Variants in NPM1 observed in about 807,000 individuals in gnomAD.
NPM1 encodes nucleophosmin 1.
In NPM1, 1 loss-of-function variant was observed where a neutral mutation model predicts 44.1. That is an observed-to-expected ratio of 0.02 (90% CI 0.01 to 0.11). The LOEUF (loss-of-function observed/expected upper bound fraction) is 0.11. NPM1 is among the 10% of genes least tolerant of loss of function. The pLI is 1.00. For synonymous variants in NPM1, 126 were observed against 111.8 expected, an observed-to-expected ratio of 1.13 and a Z score of -0.80; for missense variants, 197 against 347.8, an observed-to-expected ratio of 0.57 and a Z score of 3.45.
chr5:171,407,837 C>G (rs1771651760), intron 10 of NPM1, 63 bp downstream of exon 10: 1 of 990,620 alleles, frequency 1.0e-6, no homozygotes. Flanking sequence ...TATGATTCTG[C>G]CTTTACCCTT....
intron 1 of NPM1, 72 bp from the exon 2 acceptor site, chr5:171,389,979 T>C: frequency 1.1e-6 from 1 of 897,540 alleles, no homozygotes; most frequent in African/African-American, 1.7e-5. Context: ...GACCTGACCT[T>C]TTTGGTTACC....
Position 171,397,982 on chromosome 5 carries a change from C to T in NPM1, c.525-2171C>T, listed in dbSNP as rs555521722. 7.5e-5 allele frequency among the ~76,000 whole-genome samples: 11 copies of T among 146,806 alleles called. No homozygotes were observed. The East Asian group carries it at 1.7e-3, about 22-fold the overall frequency. On this transcript the variant is annotated intron_variant, in intron 6 of 10. Transcript: ENST00000296930. ...AATTTTCTGTATTTTAAATAGAGAC[C>T]GGGTTTCGCCATGTTGGCCAGGCTG...
rs1481138770 is a variant in NPM1, at chr5:171,397,663, A to AT, written c.525-2485dup. On this transcript the variant is annotated intron_variant, in intron 6 of 10. Coordinates refer to ENST00000296930, the MANE Select transcript of NPM1 (RefSeq NM_002520.7). ...TTTTTTCTTTTTTCTTTTTGATATG[A>AT]TTTTTGTATTTTTAGTAGAGAAGGG... 2.0e-5 allele frequency among the ~76,000 whole-genome samples: 3 copies of AT among 151,254 alleles called. No homozygotes were observed. The East Asian group carries it at 5.8e-4, about 29-fold the overall frequency.
At chr5:171,406,270 C>G in intron 9 of NPM1, 1 of 843,262 alleles carries the variant, frequency 1.2e-6, no homozygotes, top group South Asian at 1.4e-5. Context: ...TTTAGTCACA[C>G]TGTAAACCCT....
chr5:171,404,950 A>G (rs1467027441), intron 8 of NPM1, among the ~76,000 whole-genome samples: 5 of 147,886 alleles, frequency 3.4e-5, no homozygotes, highest in Non-Finnish European at 6.0e-5. Context: ...TTTTTTTTTT[A>G]TTTAAAGAGA....
At position 171,401,385 on chromosome 5, in the gene NPM1, TAC is replaced by T. The variant is rs139498010; in HGVS notation, c.669+474_669+475del. Among the ~76,000 whole-genome samples the T allele has an allele frequency of 4.3e-3, 642 of 149,734 alleles. 4 individuals are homozygous for T. Among genetic ancestry groups the T allele is most frequent in the African/African-American group, 0.015 (595 of 41,002 alleles). ...AAATCAGCTTGTTGTGTGTTGTAGGTACACACACACACACAAACATACTAAAT... is the reference window on the plus strand; with the variant it reads ...AAATCAGCTTGTTGTGTGTTGTAGGTACACACACACACAAACATACTAAAT... On this transcript the variant is annotated intron_variant, in intron 8 of 10. Coordinates refer to ENST00000296930, the MANE Select transcript of NPM1 (RefSeq NM_002520.7).
At chr5:171,403,783 G>A (rs1771393690) in intron 8 of NPM1, among the ~76,000 whole-genome samples, 1 of 121,248 alleles carries the variant, frequency 8.2e-6, no homozygotes, top group Non-Finnish European at 1.8e-5. Context: ...CCGGGCAGAG[G>A]GGCTCCTCAC....
Position 171,387,897 on chromosome 5 carries a change from TTCTTTTA to T in NPM1, c.-48_-42del. ...TGCGCGGTTGTTCTCTGGAGCAGCG[TTCTTTTA>T]TCTCCGTCCGCCTTCTCTCCTACCT... On this transcript the variant is annotated 5_prime_UTR_variant, in exon 1 of 11. Transcript: ENST00000296930. 1 of 1,566,886 alleles carries T rather than the reference TTCTTTTA, an allele frequency of 6.4e-7. No individual in the cohort carries two copies. Among genetic ancestry groups the T allele is most frequent in the Non-Finnish European group, 8.8e-7 (1 of 1,139,100 alleles).
rs1341397152 is a variant in NPM1, at chr5:171,400,874, G to T, written c.618G>T (p.Lys206Asn). The change falls in exon 8 of 11, where the codon AAG (lysine) becomes AAT (asparagine). Residue 206 changes from lysine to asparagine, a missense_variant. Physicochemically the swap from Lys to Asn is moderately conservative, Grantham distance 94 (BLOSUM62 0). Around this residue, in one of 5 missense-constraint regions of NPM1, gnomAD observed 47 missense variants for 106.5 expected, o/e 0.44. Coordinates refer to ENST00000296930, the MANE Select transcript of NPM1 (RefSeq NM_002520.7). ...IRDTPAKNAQKSNQNGKDSKP... is the reference protein window; with the variant it reads ...IRDTPAKNAQNSNQNGKDSKP... ...ATACTCCAGCCAAAAATGCACAAAA[G>T]TCAAATCAGAATGGAAAAGACTCAA... 6.2e-7 allele frequency: 1 copy of T among 1,611,662 alleles called. No homozygotes were observed. The highest frequency in any genetic ancestry group is 1.7e-5 in the Admixed American group (1 of 59,556).
intron 1 of NPM1, 103 bp downstream of exon 1, chr5:171,388,109 C>T (rs1484722750): frequency 7.6e-6 from 8 of 1,046,854 alleles, no homozygotes; most frequent in Non-Finnish European, 1.2e-5. Context: ...TGGTGGAGAC[C>T]GCCAGACCGA....
intron 10 of NPM1, among the ~76,000 whole-genome samples, chr5:171,409,113 C>G (rs1424417532): frequency 6.6e-6 from 1 of 152,096 alleles, no homozygotes; most frequent in East Asian, 1.9e-4. Flanking sequence ...CCCAGCCTAC[C>G]AGAAGTATTT....
intron 1 of NPM1, 54 bp downstream of exon 1, chr5:171,388,060 G>T: frequency 7.2e-7 from 1 of 1,393,616 alleles, no homozygotes; most frequent in South Asian, 1.2e-5. Flanking sequence ...TGGCGGTGAG[G>T]GTGGGGGTGA....
intron 6 of NPM1, among the ~76,000 whole-genome samples, chr5:171,397,802 C>CTT (rs575241008): frequency 0.29 from 38,540 of 132,100 alleles, 6,014 homozygotes; most frequent in East Asian, 0.35. Context: ...GGCAAGAATT[C>CTT]TTTTTTTTTT....
chr5:171,406,634 T>C, intron 9 of NPM1: 1 of 1,329,502 alleles, frequency 7.5e-7, no homozygotes, highest in East Asian at 2.7e-5. Flanking sequence ...CCTTGCCCTT[T>C]GCTTTCTATT....
intron 4 of NPM1, among the ~76,000 whole-genome samples, chr5:171,392,320 G>A (rs577418276): frequency 5.3e-5 from 8 of 152,236 alleles, no homozygotes; most frequent in Admixed American, 3.9e-4. Context: ...CTATATCCTC[G>A]AACTGCTACT....
chr5:171,396,977 T>A (rs1010901506), intron 6 of NPM1, among the ~76,000 whole-genome samples: 2 of 151,924 alleles, frequency 1.3e-5, no homozygotes, highest in African/African-American at 4.8e-5. Context: ...CAAAAAAAAA[T>A]AGTGTGCAGT....
At chr5:171,406,704 T>G (rs1161695871) in intron 9 of NPM1, 3 of 1,204,708 alleles carry the variant, frequency 2.5e-6, no homozygotes, top group Non-Finnish European at 3.1e-6. Flanking sequence ...CCTTAGCTGC[T>G]CAATAAATAT....
intron 2 of NPM1, among the ~76,000 whole-genome samples, chr5:171,390,590 T>C (rs1770521349): frequency 6.6e-6 from 1 of 152,194 alleles, no homozygotes; most frequent in Non-Finnish European, 1.5e-5. Flanking sequence ...TCCAGGGTAA[T>C]AGTGAGAGGT....
chr5:171,410,093 G>A (rs1771749946), intron 10 of NPM1, among the ~76,000 whole-genome samples: 1 of 152,208 alleles, frequency 6.6e-6, no homozygotes. Context: ...ACCATGCCTA[G>A]CCTCAGCATA....
Sources: gnomAD v4.1 joint callset for allele counts (sites outside exome capture counted in the v4.1 genomes callset) on GRCh38, gnomAD v4.1.1 for gene constraint, gnomAD v4.1.1 regional missense constraint, MANE v1.5 for transcripts, NCBI Gene and HGNC (gene_info 2026-07-23, HGNC 2026-07-21) for gene names.